SLC4A4: variants seen among roughly 807,000 people sequenced by gnomAD.
SLC4A4 encodes the protein solute carrier family 4 member 4, also known as electrogenic sodium bicarbonate cotransporter 1.
SLC4A4 carries 27 observed loss-of-function variants against 111.5 expected under a neutral mutation model. The ratio of observed to expected loss-of-function variants is 0.24; its 90% CI spans 0.18 to 0.33. The LOEUF is 0.33. Among genes scored for constraint, SLC4A4 ranks in the 10% least tolerant of loss-of-function variants. The probability of loss-of-function intolerance (pLI) is 1.00; values close to 1 mark genes in which losing one functional copy is unlikely to be tolerated. For missense variants in SLC4A4, 909 were observed against 1,315.5 expected (o/e 0.69, Z 4.78); for synonymous variants, 443 against 463.4 (o/e 0.96, Z 0.57).
intron 18 of SLC4A4, among the ~76,000 whole-genome samples, chr4:71,539,732 A>G (rs1734874883): frequency 6.6e-6 from 1 of 152,116 alleles, no homozygotes; most frequent in South Asian, 2.1e-4. Context: ...TTGTATAATT[A>G]CTTTATCCCT....
chr4:71,430,768 G>T (rs1723571439), intron 7 of SLC4A4, among the ~76,000 whole-genome samples: 1 of 152,120 alleles, frequency 6.6e-6, no homozygotes, highest in South Asian at 2.1e-4. Flanking sequence ...GGACAGTCCT[G>T]TGCCCTTTCA....
chr4:71,521,164 A>T (rs1393416098), intron 16 of SLC4A4, among the ~76,000 whole-genome samples: 1 of 152,164 alleles, frequency 6.6e-6, no homozygotes, highest in Non-Finnish European at 1.5e-5. Context: ...GGCTCCTTAT[A>T]TTCCTTATCT....
chr4:71,352,063 A>T (rs1197887754), intron 5 of SLC4A4, among the ~76,000 whole-genome samples: 10 of 152,164 alleles, frequency 6.6e-5, no homozygotes, highest in Non-Finnish European at 1.3e-4. Context: ...AAGCAGAAAG[A>T]ATTATTTTCT....
chr4:71,526,652 A>G (rs1444673273), intron 16 of SLC4A4, among the ~76,000 whole-genome samples: 4 of 152,114 alleles, frequency 2.6e-5, no homozygotes, highest in African/African-American at 7.2e-5. Context: ...CACCACATAC[A>G]TGGTGGCTTA....
intron 1 of SLC4A4, among the ~76,000 whole-genome samples, chr4:71,195,928 C>G (rs1454953066): frequency 6.6e-6 from 1 of 152,204 alleles, no homozygotes; most frequent in African/African-American, 2.4e-5. Flanking sequence ...CAGGTTTTTG[C>G]ACCTTCTACC....
intron 3 of SLC4A4, chr4:71,338,957 T>G: frequency 5.9e-6 from 5 of 843,502 alleles, no homozygotes; most frequent in Non-Finnish European, 6.7e-6. Flanking sequence ...GATCTCAGGA[T>G]TGGGGTACTT....
At chr4:71,126,676 CTT>C (rs1222850598) in intron 2 of SLC4A4, among the ~76,000 whole-genome samples, 1 of 152,106 alleles carries the variant, frequency 6.6e-6, no homozygotes, top group Non-Finnish European at 1.5e-5. Context: ...AATATGATGA[CTT>C]AAAATATGTA....
intron 12 of SLC4A4, among the ~76,000 whole-genome samples, chr4:71,465,769 A>G (rs1405912727): frequency 6.6e-6 from 1 of 151,986 alleles, no homozygotes; most frequent in African/African-American, 2.4e-5. Flanking sequence ...CTAAAAGGAA[A>G]TGTGGCCATA....
At chr4:71,459,425 A>G (rs1020363983) in intron 12 of SLC4A4, among the ~76,000 whole-genome samples, 11 of 152,086 alleles carry the variant, frequency 7.2e-5, no homozygotes, top group African/African-American at 2.7e-4. Context: ...TTTCCCATAC[A>G]TCTTAAAATT....
At chr4:71,344,466 A>G (rs1459250131) in intron 4 of SLC4A4, among the ~76,000 whole-genome samples, 1 of 152,174 alleles carries the variant, frequency 6.6e-6, no homozygotes, top group African/African-American at 2.4e-5. Flanking sequence ...TACCAGACTA[A>G]TAAAAGTTTA....
chr4:71,349,393 C>T (rs1007179058), intron 4 of SLC4A4, among the ~76,000 whole-genome samples: 1 of 152,124 alleles, frequency 6.6e-6, no homozygotes, highest in Non-Finnish European at 1.5e-5. Flanking sequence ...CCTTAAGCAT[C>T]AATAAAACGA....
intron 14 of SLC4A4, among the ~76,000 whole-genome samples, chr4:71,478,154 CTG>C (rs1016742184): frequency 4.6e-5 from 7 of 151,926 alleles, no homozygotes; most frequent in African/African-American, 1.7e-4. Flanking sequence ...TGTTTTCACA[CTG>C]TTGGTGGGAG....
chr4:71,102,194 A>C (rs1394003328), intron 2 of SLC4A4, among the ~76,000 whole-genome samples: 4 of 151,438 alleles, frequency 2.6e-5, no homozygotes, highest in African/African-American at 9.7e-5. Context: ...AAATGAATGA[A>C]ATGAAGCGAG....
At chr4:71,543,649 C>CT (rs1455465523) in intron 18 of SLC4A4, among the ~76,000 whole-genome samples, 4 of 151,902 alleles carry the variant, frequency 2.6e-5, no homozygotes, top group East Asian at 1.9e-4. Flanking sequence ...ACATGGGTGA[C>CT]TTTTTTTTAC....
chr4:71,300,964 A>G, intron 3 of SLC4A4: 1 of 510,532 alleles, frequency 2.0e-6, no homozygotes. Context: ...ATCAGGGCTG[A>G]TCATGTGAAG....
chr4:71,085,588 G>GGTA (rs756378944), intron 1 of SLC4A4, among the ~76,000 whole-genome samples: 11 of 151,990 alleles, frequency 7.2e-5, no homozygotes, highest in Non-Finnish European at 1.3e-4. Flanking sequence ...TTGTATAAGG[G>GGTA]GTAAGGAAGG....
At chr4:71,345,098 G>A (rs1423322032) in intron 4 of SLC4A4, among the ~76,000 whole-genome samples, 1 of 151,966 alleles carries the variant, frequency 6.6e-6, no homozygotes, top group Non-Finnish European at 1.5e-5. Flanking sequence ...ATTTTCAGTG[G>A]TTCTTCCAAA....
intron 16 of SLC4A4, among the ~76,000 whole-genome samples, chr4:71,500,633 A>C (rs1371137561): frequency 6.6e-6 from 1 of 152,032 alleles, no homozygotes; most frequent in Non-Finnish European, 1.5e-5. Flanking sequence ...ATCCATTTTG[A>C]ATTGATTATT....
intron 12 of SLC4A4, 33 bp from the exon 13 acceptor site, chr4:71,466,411 T>C: frequency 6.2e-7 from 1 of 1,612,572 alleles, no homozygotes; most frequent in Non-Finnish European, 8.5e-7. Context: ...AAAAGATGTG[T>C]TTCATTTAAC....
Sources: gnomAD v4.1 joint callset for allele counts (sites outside exome capture counted in the v4.1 genomes callset) on GRCh38, gnomAD v4.1.1 for gene constraint, MANE v1.5 for transcripts, NCBI Gene and HGNC (gene_info 2026-07-23, HGNC 2026-07-21) for gene names.